The following GRM7 variants were observed in gnomAD, a reference collection of about 807,000 sequenced individuals.
GRM7 encodes glutamate metabotropic receptor 7, also known as metabotropic glutamate receptor 7.
Under a neutral mutation model 84.5 loss-of-function variants are expected in GRM7, and 35 were observed. The ratio of observed to expected loss-of-function variants is 0.41; its 90% CI spans 0.32 to 0.55. GRM7 has a LOEUF of 0.55. Among genes scored for constraint, GRM7 ranks in the 20% least tolerant of loss-of-function variants. The pLI is 0.19. For synonymous variants in GRM7, 487 were observed against 455.1 expected (o/e 1.07, Z -0.89); for missense variants, 1,003 against 1,194.6 (o/e 0.84, Z 2.36).
intron 1 of GRM7, among the ~76,000 whole-genome samples, chr3:6,893,210 T>A (rs986296009): frequency 6.6e-6 from 1 of 152,202 alleles, no homozygotes; most frequent in Non-Finnish European, 1.5e-5. Flanking sequence ...GGACACTGGA[T>A]CTGCCTGAAT....
At chr3:7,242,039 G>A (rs1559522060) in intron 2 of GRM7, among the ~76,000 whole-genome samples, 1 of 152,154 alleles carries the variant, frequency 6.6e-6, no homozygotes, top group Non-Finnish European at 1.5e-5. Flanking sequence ...CTTTATCTCT[G>A]AGGAAACTGA....
intron 1 of GRM7, among the ~76,000 whole-genome samples, chr3:7,073,160 G>T (rs1697946650): frequency 6.6e-6 from 1 of 151,742 alleles, no homozygotes; most frequent in Non-Finnish European, 1.5e-5. Context: ...TAATTTTAAA[G>T]GCAAATATTC....
At chr3:7,150,803 G>A (rs917812169) in intron 2 of GRM7, among the ~76,000 whole-genome samples, 1 of 152,136 alleles carries the variant, frequency 6.6e-6, no homozygotes, top group East Asian at 1.9e-4. Context: ...TGAGGGTCAA[G>A]GTAAATGTTT....
At chr3:7,139,143 A>T (rs1479426805) in intron 1 of GRM7, among the ~76,000 whole-genome samples, 1 of 148,428 alleles carries the variant, frequency 6.7e-6, no homozygotes, top group Non-Finnish European at 1.5e-5. Context: ...ATACTATATG[A>T]ACCTCTTAAA....
intron 8 of GRM7, among the ~76,000 whole-genome samples, chr3:7,650,332 G>GTGAT (rs1306279036): frequency 2.0e-5 from 3 of 152,130 alleles, no homozygotes; most frequent in Non-Finnish European, 2.9e-5. Flanking sequence ...CTGAACCCGG[G>GTGAT]TGATAGTAAT....
chr3:7,354,817 T>C (rs981293123), intron 4 of GRM7, among the ~76,000 whole-genome samples: 4 of 152,204 alleles, frequency 2.6e-5, no homozygotes, highest in African/African-American at 9.6e-5. Context: ...ATTTAACAAA[T>C]GCCGTTTGCT....
chr3:7,053,156 A>G (rs77722269), intron 1 of GRM7, among the ~76,000 whole-genome samples: 2,249 of 150,726 alleles, frequency 0.015, 31 homozygotes, highest in African/African-American at 0.039. Flanking sequence ...CTTAGGCTTA[A>G]TGTTAAAAAT....
intron 8 of GRM7, among the ~76,000 whole-genome samples, chr3:7,653,723 G>C (rs1311901666): frequency 6.6e-6 from 1 of 152,144 alleles, no homozygotes; most frequent in African/African-American, 2.4e-5. Flanking sequence ...CCAAAGAAAG[G>C]CATTCAAATT....
intron 1 of GRM7, among the ~76,000 whole-genome samples, chr3:7,034,463 A>G (rs1403326481): frequency 6.6e-6 from 1 of 152,194 alleles, no homozygotes; most frequent in Non-Finnish European, 1.5e-5. Context: ...CAATAGAAGT[A>G]TGGCTACTTG....
chr3:7,633,905 G>A (rs1231644278), intron 8 of GRM7, among the ~76,000 whole-genome samples: 1 of 152,110 alleles, frequency 6.6e-6, no homozygotes, highest in Non-Finnish European at 1.5e-5. Flanking sequence ...TGACCTTGGG[G>A]TGTACAAATA....
intron 8 of GRM7, among the ~76,000 whole-genome samples, chr3:7,601,316 A>G (rs1360366327): frequency 6.6e-6 from 1 of 152,140 alleles, no homozygotes; most frequent in Non-Finnish European, 1.5e-5. Flanking sequence ...CACAGCTTTC[A>G]CCACATTTCC....
intron 1 of GRM7, among the ~76,000 whole-genome samples, chr3:7,052,314 C>T (rs1290425793): frequency 2.0e-5 from 3 of 151,668 alleles, no homozygotes; most frequent in Admixed American, 6.6e-5. Context: ...GTTAGTTGAA[C>T]TCCTTGAGAA....
intron 2 of GRM7, among the ~76,000 whole-genome samples, chr3:7,190,176 A>C (rs1020427325): frequency 2.0e-5 from 3 of 152,140 alleles, no homozygotes; most frequent in African/African-American, 7.2e-5. Flanking sequence ...CATTGACACT[A>C]TCTGCAAATA....
intron 2 of GRM7, among the ~76,000 whole-genome samples, chr3:7,267,479 G>C (rs1698685710): frequency 6.6e-6 from 1 of 152,206 alleles, no homozygotes; most frequent in Non-Finnish European, 1.5e-5. Context: ...TTGTACCTTT[G>C]TGAGGGCTTA....
chr3:7,169,541 G>A (rs910806968), intron 2 of GRM7, among the ~76,000 whole-genome samples: 2 of 152,148 alleles, frequency 1.3e-5, no homozygotes, highest in Non-Finnish European at 2.9e-5. Flanking sequence ...AATTAAATGT[G>A]TAATTTTATC....
intron 2 of GRM7, among the ~76,000 whole-genome samples, chr3:7,178,996 C>T (rs1695248402): frequency 6.6e-6 from 1 of 151,892 alleles, no homozygotes; most frequent in Non-Finnish European, 1.5e-5. Context: ...ATCCTAGTTA[C>T]TCGGGAGGCT....
chr3:6,861,240 G>C lies in GRM7; in HGVS notation c.-149G>C, dbSNP rs1215886336. The C allele has an allele frequency of 1.6e-5, 10 of 618,204 alleles. No individual in the cohort carries two copies. In the South Asian group the frequency reaches 1.8e-4, roughly 11 times the overall value. The allele number at this position is 618,204 out of a possible 1,614,324, so 38.3% of individuals were successfully genotyped here. ...CGCCGCGGGACCCCTCACCCTCTCT[G>C]GTCGCCCCTCCCCGGATTCCCCCAC... On this transcript the variant is annotated 5_prime_UTR_variant, in exon 1 of 10. Transcript: ENST00000357716. The surrounding 1 kb of genome is among the most constrained non-coding windows in gnomAD (Gnocchi z 6.4).
chr3:7,410,598 T>C (rs13071530), intron 4 of GRM7, among the ~76,000 whole-genome samples: 2,957 of 142,574 alleles, frequency 0.021, 49 homozygotes, highest in African/African-American at 0.043. Flanking sequence ...TATATATATA[T>C]ACACACACAC....
chr3:7,437,782 A>G (rs1359670432), intron 5 of GRM7, among the ~76,000 whole-genome samples: 1 of 152,074 alleles, frequency 6.6e-6, no homozygotes, highest in Non-Finnish European at 1.5e-5. Flanking sequence ...AATTCTTTGT[A>G]TCTTTGCATA....
Sources: allele counts gnomAD v4.1 joint callset (sites outside exome capture counted in the v4.1 genomes callset), GRCh38; gene constraint gnomAD v4.1.1; non-coding constraint Gnocchi (gnomAD v3.1); transcripts MANE v1.5; gene names NCBI Gene and HGNC (gene_info 2026-07-23, HGNC 2026-07-21).